The following NBPF12 variants were observed in gnomAD, a reference collection of about 807,000 sequenced individuals.
NBPF12 encodes the protein NBPF family member NBPF12.
In NBPF12, 115 loss-of-function variants were observed where a neutral mutation model predicts 146.4. The ratio of observed to expected loss-of-function variants is 0.79; its 90% CI spans 0.68 to 0.92. The LOEUF is 0.92. Ranked by LOEUF, NBPF12 falls within the 40% of genes least tolerant of loss-of-function variation. The pLI, the probability that NBPF12 is intolerant of heterozygous loss-of-function variation, is 0.00. For synonymous variants in NBPF12, 385 were observed against 508.9 expected, an observed-to-expected ratio of 0.76 and a Z score of 3.28; for missense variants, 1,205 against 1,326.8, an observed-to-expected ratio of 0.91 and a Z score of 1.43.
intron 1 of NBPF12, among the ~76,000 whole-genome samples, chr1:146,941,758 C>CAAAAAAAAAAA (rs1226007703): frequency 2.6e-4 from 16 of 61,714 alleles, no homozygotes; most frequent in Middle Eastern, 0.011. Context: ...TGTCTTGTAC[C>CAAAAAAAAAAA]AAAAAAAAAA....
chr1:146,965,044 G>T, exon 8 of NBPF12: 1 of 1,601,682 alleles, frequency 6.2e-7, no homozygotes, highest in Non-Finnish European at 8.5e-7. Flanking sequence ...CAACTCAACT[G>T]TGGTTGTAGA....
At chr1:146,970,751 G>A in intron 12 of NBPF12, 32 bp downstream of exon 15, 1 of 1,297,264 alleles carries the variant, frequency 7.7e-7, no homozygotes, top group Non-Finnish European at 1.1e-6. Flanking sequence ...CAAGTAATGG[G>A]TGTTAACATA....
In NBPF12 at chr1:146,984,746, A is replaced by T. The variant is rs1315951492; in HGVS notation, c.2667-67A>T. On this transcript the variant is annotated intron_variant, in intron 21 of 33. Coordinates refer to ENST00000617844, the Ensembl canonical transcript of NBPF12. ...AACTCTTCCTTATGTTAGCCATGAA[A>T]TCTAGCTGGGGCTGTGTGGTTTCTG... 4.6e-4 allele frequency: 377 copies of T among 822,460 alleles called. No individual in the cohort carries two copies. The South Asian group carries it at 4.9e-3, about 11-fold the overall frequency. The allele number at this position is 822,460 out of a possible 1,614,324, so 50.9% of individuals were successfully genotyped here.
intron 14 of NBPF12, among the ~76,000 whole-genome samples, chr1:146,973,659 G>A (rs1423372850): frequency 1.3e-5 from 2 of 148,956 alleles, no homozygotes; most frequent in African/African-American, 5.1e-5. Flanking sequence ...ATGGTGGCAG[G>A]TGACTGTAAT....
intron 5 of NBPF12, among the ~76,000 whole-genome samples, 188 bp from the exon 9 acceptor site, chr1:146,962,907 C>G (rs1655952493): frequency 6.6e-6 from 1 of 151,384 alleles, no homozygotes; most frequent in South Asian, 2.1e-4. Context: ...GGAGCCCTCT[C>G]TGATAGAGGG....
intron 8 of NBPF12, 108 bp from the exon 12 acceptor site, chr1:146,966,356 T>C: frequency 2.0e-6 from 2 of 1,001,464 alleles, no homozygotes; most frequent in South Asian, 1.3e-5. Flanking sequence ...GGAAACATCA[T>C]CTTCGAATAA....
In NBPF12 at chr1:146,970,615, A is replaced by G. The variant is rs1396705718; in HGVS notation, c.1307-32A>G. 728 of 1,568,192 alleles carry G rather than the reference A, an allele frequency of 4.6e-4. 4 individuals are homozygous for G. Among genetic ancestry groups the G allele is most frequent in the South Asian group, 1.4e-3 (127 of 90,030 alleles). On this transcript the variant is annotated intron_variant, in intron 11 of 33. Coordinates refer to ENST00000617844, the Ensembl canonical transcript of NBPF12. ...ACTGTGCTTGCAGAATGTGAAGTGG[A>G]AAATATCTGAACGAACATTTTGTAT...
intron 10 of NBPF12, among the ~76,000 whole-genome samples, chr1:146,969,030 G>C (rs1438284819): frequency 6.6e-6 from 1 of 151,484 alleles, no homozygotes; most frequent in Non-Finnish European, 1.5e-5. Flanking sequence ...TTTGTGTCTA[G>C]TGGCCGCAAG....
rs782522830 is a variant in NBPF12 at position 146,994,426 on chromosome 1, C to T, written c.4225C>T (p.Pro1409Ser). 1.9e-6 allele frequency: 3 copies of T among 1,612,126 alleles called. No homozygotes were observed. The African/African-American group carries it at 4.0e-5, about 22-fold the overall frequency. The change falls in exon 34 of 34, where the codon CCT becomes TCT. Residue 1409 changes from proline (P) to serine (S), a missense_variant. Pro to Ser is a moderately conservative substitution (Grantham distance 74, BLOSUM62 -1). Transcript: ENST00000617844. ...GACTCCATCAATGTACTTTGAACTA[C>T]CTGACTCATTCCAGCACTACAGAAG...
At chr1:146,973,316 A>T (rs2101883520) in intron 14 of NBPF12, among the ~76,000 whole-genome samples, 1 of 151,858 alleles carries the variant, frequency 6.6e-6, no homozygotes, top group South Asian at 2.1e-4. Context: ...GTTGTTCTAA[A>T]TGTCTGAGAC....
chr1:146,994,472 A>C (rs1658409020), exon 34 of NBPF12: 8 of 1,609,866 alleles, frequency 5.0e-6, no homozygotes, highest in African/African-American at 1.3e-5. Context: ...TCATTTGAGG[A>C]ACAGCACATC....
At chr1:146,972,618 C>T (rs1362301104) in intron 13 of NBPF12, 133 bp from the exon 17 acceptor site, 1 of 859,700 alleles carries the variant, frequency 1.2e-6, no homozygotes, top group South Asian at 1.3e-5. Context: ...CTGGAGATGA[C>T]AAGGGTGAAA....
At chr1:146,944,981 TGCC>T (rs1654969023), upstream of NBPF12, among the ~76,000 whole-genome samples, 3,936 of 64,370 alleles carry the variant, frequency 0.061, 373 homozygotes, top group East Asian at 0.13. Flanking sequence ...CCTCCCTCCC[TGCC>T]TTCCTTCCTC....
chr1:146,964,486 A>G, intron 7 of NBPF12, 57 bp downstream of exon 10: 1 of 1,590,070 alleles, frequency 6.3e-7, no homozygotes, highest in Non-Finnish European at 8.6e-7. Flanking sequence ...AATGTCTAGA[A>G]GGCACACCCT....
intron 1 of NBPF12, among the ~76,000 whole-genome samples, chr1:146,940,154 T>G (rs1654733007): frequency 6.6e-6 from 1 of 152,100 alleles, no homozygotes; most frequent in Admixed American, 6.5e-5. Context: ...AATAGCTTTC[T>G]TTTTGTTTTT....
At chr1:146,967,382 T>C (rs1656275191) in intron 9 of NBPF12, among the ~76,000 whole-genome samples, 2 of 150,920 alleles carry the variant, frequency 1.3e-5, no homozygotes, top group Admixed American at 6.6e-5. Context: ...GTGACTGTAA[T>C]CACTCCTGCT....
At chr1:146,971,728 C>T (rs1656628312) in intron 13 of NBPF12, among the ~76,000 whole-genome samples, 2 of 150,728 alleles carry the variant, frequency 1.3e-5, no homozygotes, top group Non-Finnish European at 2.9e-5. Context: ...CTCCCACTCT[C>T]GTTCACTCCT....
At chr1:146,945,893 A>G (rs1655035307), upstream of NBPF12, among the ~76,000 whole-genome samples, 1 of 151,962 alleles carries the variant, frequency 6.6e-6, no homozygotes, top group African/African-American at 2.4e-5. Context: ...TCCTCAATAC[A>G]GCATCATGCA....
At position 146,962,881 on chromosome 1, in the gene NBPF12, C is replaced by T. The variant is rs1227390151; in HGVS notation, c.279-214C>T. Reference sequence around the variant, plus strand: ...CAGAAGAGAAAGATGAATGGAACATCATCGAGGATCTTGCAGGAGCCCTCT... The same window carrying T: ...CAGAAGAGAAAGATGAATGGAACATTATCGAGGATCTTGCAGGAGCCCTCT... On this transcript the variant is annotated intron_variant, in intron 5 of 33. Coordinates refer to ENST00000617844, the Ensembl canonical transcript of NBPF12. 1.3e-5 allele frequency among the ~76,000 whole-genome samples: 2 copies of T among 151,316 alleles called. 1 individual carries two copies. Among genetic ancestry groups the T allele is most frequent in the South Asian group, 4.2e-4 (2 of 4,758 alleles).
Sources: gnomAD v4.1 joint callset for allele counts (sites outside exome capture counted in the v4.1 genomes callset) on GRCh38, gnomAD v4.1.1 for gene constraint, MANE v1.5 for transcripts, NCBI Gene and HGNC (gene_info 2026-07-23, HGNC 2026-07-21) for gene names.